The following RSRP1 variants were observed in gnomAD, a reference collection of about 807,000 sequenced individuals.
RSRP1 encodes arginine/serine-rich protein 1.
In RSRP1, 37 loss-of-function variants were observed where a neutral mutation model predicts 33.0. That is an observed-to-expected ratio of 1.12 (90% confidence interval 0.86 to 1.48). The LOEUF is 1.48. RSRP1 is among the 40% of genes most tolerant of loss of function. RSRP1 has a pLI of 0.00. For synonymous variants in RSRP1, 167 were observed against 158.7 expected, an observed-to-expected ratio of 1.05 and a Z score of -0.40; for missense variants, 402 against 385.3, an observed-to-expected ratio of 1.04 and a Z score of -0.36.
chr1:25,244,252 G>A (rs1639155736), intron 3 of RSRP1: 2 of 1,289,120 alleles, frequency 1.6e-6, no homozygotes, highest in Non-Finnish European at 2.0e-6. Context: ...TATTATGAAA[G>A]GGACATCTTT....
Position 25,299,363 on chromosome 1 carries a change from A to G in RSRP1, c.-67+38615T>C, listed in dbSNP as rs1401232646. 6.1e-5 allele frequency among the ~76,000 whole-genome samples: 8 copies of G among 131,188 alleles called. 3 individuals carry two copies. Among genetic ancestry groups the G allele is most frequent in the Non-Finnish European group, 1.4e-4 (8 of 55,700 alleles). 86.1% of individuals were successfully genotyped at this position (131,188 alleles called of 152,430 possible). A position where few individuals can be genotyped will look rare whatever the true frequency, so the allele number is the denominator to read the frequency against. ...CACCAGTGCACTCTAGCCTGGCGAC[A>G]GAGTGAGACTCCGTCTCAAAAATAA... is the stretch of plus-strand genomic sequence containing the variant. On this transcript the variant is annotated intron_variant, in intron 1 of 1. Transcript: ENST00000561867.
chr1:25,246,680 T>A lies in RSRP1; in HGVS notation c.284A>T (p.Glu95Val). 1.2e-6 allele frequency: 2 copies of A among 1,609,946 alleles called. No individual in the cohort carries two copies. The highest frequency in any genetic ancestry group is 8.5e-7 in the Non-Finnish European group (1 of 1,176,676). Residue 95 changes from glutamate to valine, a missense_variant, in exon 2 of 5, where the codon GAG becomes GTG. By Grantham distance (121) the Glu-to-Val change is moderately radical. Coordinates refer to ENST00000243189, the MANE Select transcript of RSRP1 (RefSeq NM_020317.5). ...TCTCCTGGTGAACCCGTAGCGCCTC[T>A]CTCGGTAACGGCGGCTGCGGGATCG... ...RSRSRSRRYR[E>V]RRYGFTRRYY...
intron 1 of RSRP1, among the ~76,000 whole-genome samples, chr1:25,332,534 T>C (rs1417338447): frequency 1.5e-5 from 2 of 131,920 alleles, no homozygotes; most frequent in African/African-American, 2.6e-5. Flanking sequence ...ATGGCTACTT[T>C]CAAAGACATC....
chr1:25,307,173 G>C (rs1485889459), intron 1 of RSRP1, among the ~76,000 whole-genome samples: 1 of 132,218 alleles, frequency 7.6e-6, no homozygotes, highest in Non-Finnish European at 1.8e-5. Context: ...CAGGACTGTT[G>C]GGATGCTACT....
Position 25,272,652 on chromosome 1 carries a change from C to T in RSRP1, c.-66-25623G>A, listed in dbSNP as rs186534432. 3.6e-5 allele frequency: 57 copies of T among 1,567,822 alleles called. 2 individuals carry two copies. The highest frequency in any genetic ancestry group is 2.0e-4 in the East Asian group (9 of 44,752). ...TCTTCTATTTTTTTACCCACTATGA[C>T]GCTTCCTTAGAGGATCAAAAGGGGC... On this transcript the variant is annotated intron_variant, in intron 1 of 1. Transcript: ENST00000561867.
Position 25,242,698 on chromosome 1 carries a change from A to G in RSRP1, c.764T>C (p.Val255Ala), listed in dbSNP as rs747893518. ...AGCTGATTTTTGTATTGGCTTTGCT[A>G]CAGAATTCTGTAAAAGAACAAATTC... is the stretch of plus-strand genomic sequence containing the variant. ...RSIAFSSNNSVAKPIQKSAKA... is the reference protein window; with the variant it reads ...RSIAFSSNNSAAKPIQKSAKA... The change falls in exon 5 of 5, where the codon GTA becomes GCA. Residue 255 changes from valine to alanine, a missense_variant. By Grantham distance (64) the Val-to-Ala change is moderately conservative. Coordinates refer to ENST00000243189, the MANE Select transcript of RSRP1 (RefSeq NM_020317.5). 2 of 1,599,552 alleles carry G rather than the reference A, an allele frequency of 1.3e-6. No individual in the cohort carries two copies. The highest frequency in any genetic ancestry group is 1.7e-6 in the Non-Finnish European group (2 of 1,175,736).
intron 1 of RSRP1, chr1:25,301,142 G>A: frequency 7.4e-7 from 1 of 1,349,222 alleles, no homozygotes; most frequent in African/African-American, 1.4e-5. Flanking sequence ...TGAGCAGAAT[G>A]GCTCAGAAAA....
intron 1 of RSRP1, among the ~76,000 whole-genome samples, chr1:25,252,909 G>A (rs996785034): frequency 2.6e-5 from 4 of 152,126 alleles, no homozygotes; most frequent in East Asian, 1.9e-4. Context: ...CAAGGAACAC[G>A]GAAAGGTCAG....
In RSRP1 at chr1:25,245,321, A is replaced by G. The variant is rs1639276167; in HGVS notation, c.521-20T>C. The G allele has an allele frequency of 6.3e-7, 1 of 1,594,116 alleles. No homozygotes were observed. Among genetic ancestry groups the G allele is most frequent in the Non-Finnish European group, 8.6e-7 (1 of 1,166,194 alleles). ...TTCGATCTAAAAAAAAAAGAGAGAG[A>G]TTTTAAAATACTCATTAATCTGGTA... On this transcript the variant is annotated intron_variant, in intron 2 of 4. Coordinates refer to ENST00000243189, the MANE Select transcript of RSRP1 (RefSeq NM_020317.5).
chr1:25,246,383 A>G (rs1199999120), intron 2 of RSRP1, 61 bp downstream of exon 2: 14 of 1,572,962 alleles, frequency 8.9e-6, no homozygotes, highest in South Asian at 2.3e-5. Flanking sequence ...TTGGTTCCCT[A>G]GCCTACTCAT....
At chr1:25,322,913 TAA>T (rs1208261734) in intron 1 of RSRP1, among the ~76,000 whole-genome samples, 1 of 117,906 alleles carries the variant, frequency 8.5e-6, no homozygotes, top group Non-Finnish European at 2.0e-5. Context: ...GCAAAAAAGT[TAA>T]AAAGACAAAT....
chr1:25,300,547 T>C (rs1185726542), intron 1 of RSRP1, among the ~76,000 whole-genome samples: 2 of 127,592 alleles, frequency 1.6e-5, no homozygotes, highest in East Asian at 2.0e-4. Context: ...CAGTGGCTCA[T>C]GCCTGTAATC....
rs750823240 is a variant in RSRP1 at position 25,273,302 on chromosome 1, A to ATTTTTTTT, written c.-66-26281_-66-26274dup. ...AGGAGGGCACCACCATGCCTGGCTA[A>ATTTTTTTT]TTTTTTTTTTTTTTTTTTTTGGTAG... On this transcript the variant is annotated intron_variant, in intron 1 of 1. Coordinates refer to the RSRP1 transcript ENST00000561867. 3.4e-4 allele frequency among the ~76,000 whole-genome samples: 33 copies of ATTTTTTTT among 97,766 alleles called. 2 individuals are homozygous for ATTTTTTTT. Among genetic ancestry groups the ATTTTTTTT allele is most frequent in the African/African-American group, 1.1e-3 (31 of 27,052 alleles). 64.1% of individuals were successfully genotyped at this position (97,766 alleles called of 152,430 possible). A position where few individuals can be genotyped will look rare whatever the true frequency, so the allele number is the denominator to read the frequency against.
chr1:25,303,319 C>T (rs781622892), intron 1 of RSRP1: 2 of 1,363,798 alleles, frequency 1.5e-6, no homozygotes, highest in East Asian at 2.2e-5. Context: ...TATTTCTTTG[C>T]AGACTTATGT....
chr1:25,242,741 T>C (rs2124523868), intron 4 of RSRP1, 36 bp from the exon 5 acceptor site: 1 of 1,346,666 alleles, frequency 7.4e-7, no homozygotes, highest in South Asian at 1.2e-5. Context: ...TTCCCAAACA[T>C]ACATTGTACA....
chr1:25,244,370 C>G (rs1054871315), intron 3 of RSRP1: 10 of 1,289,158 alleles, frequency 7.8e-6, no homozygotes, highest in Non-Finnish European at 1.0e-5. Flanking sequence ...GCACATGGAT[C>G]TACCAACAAA....
rs148494337 is a variant in RSRP1 at position 25,270,590 on chromosome 1, T to C, written c.-66-23561A>G. 1.4e-4 allele frequency among the ~76,000 whole-genome samples: 18 copies of C among 132,054 alleles called. 3 individuals carry two copies. Among genetic ancestry groups the C allele is most frequent in the African/African-American group, 4.1e-4 (16 of 38,712 alleles). The allele number at this position is 132,054 out of a possible 152,430, so 86.6% of individuals were successfully genotyped here. A position where few individuals can be genotyped will look rare whatever the true frequency, so the allele number is the denominator to read the frequency against. On this transcript the variant is annotated intron_variant, in intron 1 of 1. Transcript: ENST00000561867. ...CCCCGGTCCATGGAAAAATTGTCTT[T>C]TACAAAACCCGTCCCTGGTGCCAAA...
rs376435509 is a variant in RSRP1 at position 25,272,539 on chromosome 1, G to A, written c.-66-25510C>T. The A allele has an allele frequency of 5.1e-5, 80 of 1,574,716 alleles. 1 individual carries two copies. Among genetic ancestry groups the A allele is most frequent in the Non-Finnish European group, 6.4e-5 (74 of 1,152,206 alleles). ...GCTGGTGGAACCCCTGCACAGAGAC[G>A]GACACAGGATGAGCTCTAAGTACCC... On this transcript the variant is annotated intron_variant, in intron 1 of 1. Transcript: ENST00000561867.
upstream of RSRP1, chr1:25,247,601 C>G (rs1261935256): frequency 1.3e-5 from 2 of 152,358 alleles, no homozygotes; most frequent in African/African-American, 2.4e-5. Context: ...GTGCCTCGAG[C>G]GCTTGCCTCC....
Sources: allele counts gnomAD v4.1 joint callset (sites outside exome capture counted in the v4.1 genomes callset), GRCh38; gene constraint gnomAD v4.1.1; transcripts MANE v1.5; gene names NCBI Gene and HGNC (gene_info 2026-07-23, HGNC 2026-07-21).